KDELR1: variants seen among roughly 807,000 people sequenced by gnomAD.
KDELR1 encodes ER lumen protein-retaining receptor 1.
KDELR1 carries 16 observed loss-of-function variants against 25.5 expected under a neutral mutation model. The observed-to-expected ratio is 0.63, with a 90% CI of 0.43 to 0.95. KDELR1 has a LOEUF of 0.95. Ranked by LOEUF, KDELR1 falls within the 40% of genes least tolerant of loss-of-function variation. The pLI is 0.00. For synonymous variants in KDELR1, 121 were observed against 115.0 expected (o/e 1.05, Z -0.33); for missense variants, 159 against 265.2 (o/e 0.60, Z 2.78).
Position 48,383,261 on chromosome 19 carries a change from G to A in KDELR1, c.*32C>T, listed in dbSNP as rs754805783. The A allele has an allele frequency of 5.2e-6, 8 of 1,550,344 alleles. No homozygotes were observed. The highest frequency in any genetic ancestry group is 2.0e-5 in the Admixed American group (1 of 50,974). On this transcript the variant is annotated 3_prime_UTR_variant, in exon 5 of 5. Coordinates refer to ENST00000330720, the MANE Select transcript of KDELR1 (RefSeq NM_006801.3). ...CTGCCGCCTTCCTCTGCCTCCCGCT[G>A]CTGCCGAGGAGAGAGATGGAGAGGA...
At chr19:48,391,689 A>G (rs749475986), upstream of KDELR1, 14 of 383,196 alleles carry the variant, frequency 3.7e-5, no homozygotes, top group Non-Finnish European at 4.9e-6. Context: ...AAGCTGCCCC[A>G]TAGGAACTTG....
At chr19:48,387,015 G>A (rs1193004594) in intron 3 of KDELR1, among the ~76,000 whole-genome samples, 8 of 148,236 alleles carry the variant, frequency 5.4e-5, no homozygotes, top group East Asian at 2.1e-4. Context: ...AGGTTGCAGT[G>A]AGCAGAGATC....
upstream of KDELR1, among the ~76,000 whole-genome samples, chr19:48,396,158 T>A (rs1001059588): frequency 1.3e-5 from 2 of 148,582 alleles, no homozygotes; most frequent in African/African-American, 5.0e-5. Flanking sequence ...CGGAGGCTCA[T>A]GAGGAGGTAG....
intron 2 of KDELR1, 30 bp downstream of exon 2, chr19:48,390,394 G>C: frequency 2.6e-6 from 4 of 1,527,868 alleles, no homozygotes; most frequent in Non-Finnish European, 3.6e-6. Context: ...TGCCTCAGTG[G>C]GGGCCAGAGA....
upstream of KDELR1, among the ~76,000 whole-genome samples, chr19:48,395,531 G>A (rs1970628663): frequency 6.6e-6 from 1 of 152,026 alleles, no homozygotes; most frequent in African/African-American, 2.4e-5. Context: ...GGAGGAAACG[G>A]GATGCCGTCT....
chr19:48,392,479 T>C (rs1435341526), upstream of KDELR1, among the ~76,000 whole-genome samples: 1 of 152,006 alleles, frequency 6.6e-6, no homozygotes, highest in East Asian at 1.9e-4. Flanking sequence ...CCCCAGCCCT[T>C]TTCCCTCCTA....
At chr19:48,392,585 C>T (rs767977431), upstream of KDELR1, among the ~76,000 whole-genome samples, 19 of 152,204 alleles carry the variant, frequency 1.2e-4, no homozygotes, top group African/African-American at 2.9e-4. Flanking sequence ...TCTCCCTTTA[C>T]GACCCACAGA....
At chr19:48,392,014 G>A (rs922798508), upstream of KDELR1, among the ~76,000 whole-genome samples, 2 of 150,104 alleles carry the variant, frequency 1.3e-5, no homozygotes, top group African/African-American at 4.9e-5. Context: ...TCCTCCCTCA[G>A]ACCCAGGAGT....
At chr19:48,383,878 T>C (rs1243821459) in intron 4 of KDELR1, among the ~76,000 whole-genome samples, 6 of 152,126 alleles carry the variant, frequency 3.9e-5, no homozygotes, top group Non-Finnish European at 7.4e-5. Flanking sequence ...TTGTCTATCT[T>C]TTCTCCTCCT....
At chr19:48,389,020 C>T (rs1434858439) in intron 3 of KDELR1, among the ~76,000 whole-genome samples, 1 of 152,198 alleles carries the variant, frequency 6.6e-6, no homozygotes, top group Non-Finnish European at 1.5e-5. Flanking sequence ...CCTGTAATCC[C>T]AGCACTTTGG....
intron 3 of KDELR1, among the ~76,000 whole-genome samples, chr19:48,387,011 C>T (rs2147420983): frequency 6.8e-6 from 1 of 146,788 alleles, no homozygotes; most frequent in African/African-American, 2.5e-5. Context: ...GCAGAGGTTG[C>T]AGTGAGCAGA....
At chr19:48,391,134 G>A in intron 1 of KDELR1, 134 bp downstream of exon 1, 1 of 772,896 alleles carries the variant, frequency 1.3e-6, no homozygotes, top group Non-Finnish European at 2.2e-6. Flanking sequence ...CCAGAACCTA[G>A]AAGAGAGATC....
At chr19:48,387,064 TAAA>T (rs35835908) in intron 3 of KDELR1, among the ~76,000 whole-genome samples, 3 of 116,172 alleles carry the variant, frequency 2.6e-5, no homozygotes, top group African/African-American at 3.2e-5. Context: ...CAGCAAGACT[TAAA>T]AAAAAAAAAA....
Position 48,391,410 on chromosome 19 carries a change from G to T in KDELR1, c.-52C>A. On this transcript the variant is annotated 5_prime_UTR_variant, in exon 1 of 5. Coordinates refer to ENST00000330720, the MANE Select transcript of KDELR1 (RefSeq NM_006801.3). ...CGGGAGGGAGGCAGGCTGGCGGGGG[G>T]GTGCCCCCCGAGGCTGCTGGTCTGA... 1 of 1,455,516 alleles carries T rather than the reference G, an allele frequency of 6.9e-7. No homozygotes were observed. The highest frequency in any genetic ancestry group is 9.4e-7 in the Non-Finnish European group (1 of 1,060,996). The allele number at this position is 1,455,516 out of a possible 1,614,324, so 90.2% of individuals were successfully genotyped here. A position where few individuals can be genotyped will look rare whatever the true frequency, so the allele number is the denominator to read the frequency against.
chr19:48,382,835 C>T lies in KDELR1; in HGVS notation c.*458G>A, dbSNP rs116458191. 1,996 of 155,076 alleles carry T rather than the reference C, an allele frequency of 0.013. 40 individuals carry two copies. The highest frequency in any genetic ancestry group is 0.046 in the African/African-American group (1,894 of 41,496). The allele number at this position is 155,076 out of a possible 1,614,324, so 9.6% of individuals were successfully genotyped here. ...CCCAATCTAGAAATTTAGTGGGGGT[C>T]GCGGTTCATGGCCATGGCAGGAGGT... On this transcript the variant is annotated 3_prime_UTR_variant, in exon 5 of 5. Transcript: ENST00000330720.
chr19:48,391,620 C>A (rs926017119), upstream of KDELR1: 4 of 489,410 alleles, frequency 8.2e-6, no homozygotes, highest in Non-Finnish European at 1.5e-5. Flanking sequence ...GGCCTGGATC[C>A]CCGGCGCCCC....
rs777821878 is a variant in KDELR1 at position 48,389,562 on chromosome 19, G to T, written c.342C>A (p.Thr114=). 5 of 1,614,058 alleles carry T rather than the reference G, an allele frequency of 3.1e-6. No individual in the cohort carries two copies. Among genetic ancestry groups the T allele is most frequent in the South Asian group, 1.1e-5 (1 of 91,088 alleles). Residue 114 remains threonine (T), a synonymous_variant, in exon 3 of 5, where the codon ACC becomes ACA. Transcript: ENST00000330720. The stretch of plus-strand genomic sequence containing the variant: ...ACAGCAAGGCGCCTACCTCCAGAGG[G>T]GTGAAGTCATGATTGACCAGGAACG... The part of the protein sequence containing the change: ...ILAFLVNHDF[T]PLEILWTFSI...
At chr19:48,390,276 G>A in intron 2 of KDELR1, 148 bp downstream of exon 2, 1 of 478,532 alleles carries the variant, frequency 2.1e-6, no homozygotes, top group Non-Finnish European at 3.6e-6. Flanking sequence ...TCTTCCCTCA[G>A]ACCCAAGAGT....
chr19:48,389,646 G>A lies in KDELR1; in HGVS notation c.258C>T (p.Tyr86=), dbSNP rs772888594. Residue 86 remains tyrosine (Y), a synonymous_variant, in exon 3 of 5, where the codon TAC becomes TAT. Coordinates refer to ENST00000330720, the MANE Select transcript of KDELR1 (RefSeq NM_006801.3). ...WLIYSKFKAT[Y]DGNHDTFRVE... Reference sequence around the variant, plus strand: ...CTCTGAACGTGTCATGGTTCCCATCGTAAGTAGCTTTGAACTTGCTATAAA... The same window carrying A: ...CTCTGAACGTGTCATGGTTCCCATCATAAGTAGCTTTGAACTTGCTATAAA... 14 of 1,614,032 alleles carry A rather than the reference G, an allele frequency of 8.7e-6. No homozygotes were observed. Among genetic ancestry groups the A allele is most frequent in the East Asian group, 2.2e-5 (1 of 44,902 alleles).
Sources: allele counts gnomAD v4.1 joint callset (sites outside exome capture counted in the v4.1 genomes callset), GRCh38; gene constraint gnomAD v4.1.1; transcripts MANE v1.5; gene names NCBI Gene and HGNC (gene_info 2026-07-23, HGNC 2026-07-21).